Variants in OR6N1 observed in about 807,000 individuals in gnomAD.
OR6N1 encodes olfactory receptor 6N1.
For missense variants in OR6N1, 394 were observed against 371.7 expected, an observed-to-expected ratio of 1.06 and a Z score of -0.49; for synonymous variants, 170 against 150.7, an observed-to-expected ratio of 1.13 and a Z score of -0.94.
chr1:158,793,285 A>T, the OR6N1 span, among the ~76,000 whole-genome samples: 2 of 152,058 alleles, frequency 1.3e-5, no homozygotes, highest in South Asian at 2.1e-4. Flanking sequence ...CAAAGATTTC[A>T]TCTTGGTTTG....
At chr1:158,831,270 T>C in the OR6N1 span, 1 of 152,202 alleles carries the variant, frequency 6.6e-6, no homozygotes, top group Non-Finnish European at 1.5e-5. Context: ...ACATCTGAAA[T>C]AGAAAGCTAC....
At position 158,765,878 on chromosome 1, in the gene OR6N1, C is replaced by G. The variant is rs1047010752; in HGVS notation, c.805G>C (p.Asp269His). 6.2e-7 allele frequency: 1 copy of G among 1,614,076 alleles called. No individual in the cohort carries two copies. The highest frequency in any genetic ancestry group is 8.5e-7 in the Non-Finnish European group (1 of 1,179,990). ...ACCACTGCCAGGGCCTGGTCATAGT[C>G]CAGTGAGTAGCTCTTCTTCAGCTGC... ...YVQLKKSYSL[D>H]YDQALAVVYS... is the part of the protein sequence containing the mutation. The change falls in exon 2 of 2, where the codon GAC (aspartate) becomes CAC (histidine). Residue 269 changes from aspartate to histidine, a missense_variant. Physicochemically the swap from Asp to His is moderately conservative, Grantham distance 81 (BLOSUM62 -1). Transcript: ENST00000641846.
the OR6N1 span, among the ~76,000 whole-genome samples, chr1:158,779,890 T>C: frequency 5.2e-3 from 788 of 152,352 alleles, 3 homozygotes; most frequent in Non-Finnish European, 6.3e-3. Flanking sequence ...TTAACAAGTC[T>C]GTCTTCCCCA....
At chr1:158,777,013 A>G (rs760771657), upstream of OR6N1, 2 of 1,614,192 alleles carry the variant, frequency 1.2e-6, no homozygotes, top group South Asian at 2.2e-5. Context: ...GAAAGTGATA[A>G]GAATTATGAA....
At chr1:158,831,326 C>T in the OR6N1 span, 1 of 152,188 alleles carries the variant, frequency 6.6e-6, no homozygotes, top group Non-Finnish European at 1.5e-5. Flanking sequence ...GATTACATAA[C>T]TTCTTTCTAG....
At chr1:158,782,808 G>T in the OR6N1 span, among the ~76,000 whole-genome samples, 3 of 134,704 alleles carry the variant, frequency 2.2e-5, no homozygotes, top group African/African-American at 8.0e-5. Context: ...TTATTAAGTG[G>T]TATTTTTTTT....
At chr1:158,835,608 T>C in the OR6N1 span, among the ~76,000 whole-genome samples, 1 of 64,216 alleles carries the variant, frequency 1.6e-5, no homozygotes, top group Non-Finnish European at 3.0e-5. Context: ...TTATTGCCTA[T>C]TTTTGGTGGG....
At chr1:158,788,961 A>T in the OR6N1 span, among the ~76,000 whole-genome samples, 4 of 152,180 alleles carry the variant, frequency 2.6e-5, no homozygotes, top group African/African-American at 9.6e-5. Flanking sequence ...CCAAAAAAGG[A>T]AATACCATAG....
chr1:158,772,844 C>G (rs1255669493), upstream of OR6N1, among the ~76,000 whole-genome samples: 1 of 152,122 alleles, frequency 6.6e-6, no homozygotes, highest in Admixed American at 6.5e-5. Flanking sequence ...TTTGAATACT[C>G]TTGCCACAAA....
At chr1:158,810,526 C>T in the OR6N1 span, among the ~76,000 whole-genome samples, 3 of 152,124 alleles carry the variant, frequency 2.0e-5, no homozygotes, top group Non-Finnish European at 4.4e-5. Context: ...CAGAGCAGCT[C>T]TATGTCTCAA....
chr1:158,774,034 A>C (rs1657494043), upstream of OR6N1, among the ~76,000 whole-genome samples: 1 of 152,188 alleles, frequency 6.6e-6, no homozygotes, highest in African/African-American at 2.4e-5. Flanking sequence ...ATTTCTAATA[A>C]GTTGTCAATC....
At chr1:158,807,647 T>A in the OR6N1 span, among the ~76,000 whole-genome samples, 2 of 152,222 alleles carry the variant, frequency 1.3e-5, no homozygotes, top group Non-Finnish European at 2.9e-5. Context: ...CTGATCTACA[T>A]CTGCAACTTT....
chr1:158,828,950 A>C, the OR6N1 span, among the ~76,000 whole-genome samples: 3 of 152,018 alleles, frequency 2.0e-5, no homozygotes, highest in Non-Finnish European at 4.4e-5. Flanking sequence ...TGAGGTTTGC[A>C]CTCTCTGAAG....
chr1:158,805,801 AGTTT>A, the OR6N1 span, among the ~76,000 whole-genome samples: 1 of 152,178 alleles, frequency 6.6e-6, no homozygotes, highest in Non-Finnish European at 1.5e-5. Context: ...GACTCTTAAG[AGTTT>A]GTTCATTCAT....
chr1:158,809,013 T>A, the OR6N1 span: 1 of 152,786 alleles, frequency 6.5e-6, no homozygotes, highest in African/African-American at 2.4e-5. Flanking sequence ...CACTCAGTCA[T>A]CCCTAAGGAA....
the OR6N1 span, among the ~76,000 whole-genome samples, chr1:158,824,762 A>C: frequency 2.6e-5 from 4 of 152,222 alleles, no homozygotes; most frequent in Non-Finnish European, 4.4e-5. Context: ...CTGGCTATCT[A>C]TCTGCAGAAG....
chr1:158,799,914 T>C, the OR6N1 span, among the ~76,000 whole-genome samples: 5 of 152,114 alleles, frequency 3.3e-5, no homozygotes, highest in Admixed American at 3.3e-4. Flanking sequence ...ACTCATTGTA[T>C]CTGCTTTCCC....
chr1:158,767,741 C>T (rs1270731748), intron 1 of OR6N1, among the ~76,000 whole-genome samples: 6 of 152,190 alleles, frequency 3.9e-5, no homozygotes, highest in Non-Finnish European at 8.8e-5. Context: ...TCTCTTTACT[C>T]ATCCCACAGC....
At chr1:158,779,896 C>T in the OR6N1 span, among the ~76,000 whole-genome samples, 7 of 152,144 alleles carry the variant, frequency 4.6e-5, no homozygotes, top group Admixed American at 4.6e-4. Flanking sequence ...AGTCTGTCTT[C>T]CCCAAAAATT....
Sources: gnomAD v4.1 joint callset for allele counts (sites outside exome capture counted in the v4.1 genomes callset) on GRCh38, gnomAD v4.1.1 for gene constraint, MANE v1.5 for transcripts, NCBI Gene and HGNC (gene_info 2026-07-23, HGNC 2026-07-21) for gene names.